Variants in RGS3 observed in about 807,000 individuals in gnomAD.
The protein encoded by RGS3 is regulator of G protein signaling 3.
A neutral mutation model predicts 132.6 loss-of-function variants in RGS3; 80 were observed. The observed-to-expected ratio is 0.60, with a 90% confidence interval of 0.50 to 0.73. The LOEUF is 0.73. Among genes scored for constraint, RGS3 ranks in the 30% least tolerant of loss-of-function variants. The pLI, the probability that RGS3 is intolerant of heterozygous loss-of-function variation, is 0.00. For missense variants in RGS3, 1,382 were observed against 1,530.8 expected (o/e 0.90, Z 1.62); for synonymous variants, 598 against 620.6 (o/e 0.96, Z 0.54).
intron 1 of RGS3, among the ~76,000 whole-genome samples, chr9:113,452,974 T>TTATATATGATATATAAATAAAATA (rs1346910020): frequency 7.4e-6 from 1 of 134,246 alleles, no homozygotes; most frequent in African/African-American, 2.8e-5. Flanking sequence ...TAAAATATAT[T>TTATATATGATATATAAATAAAATA]TATACATAAT....
chr9:113,472,103 A>T (rs907375157), intron 3 of RGS3, among the ~76,000 whole-genome samples: 1 of 152,216 alleles, frequency 6.6e-6, no homozygotes, highest in Non-Finnish European at 1.5e-5. Context: ...CTATAATAAA[A>T]AAAGAGCCAA....
At chr9:113,520,733 C>T (rs777247891) in intron 16 of RGS3, among the ~76,000 whole-genome samples, 16 of 151,960 alleles carry the variant, frequency 1.1e-4, no homozygotes, top group African/African-American at 3.6e-4. Context: ...TTCCATTGCT[C>T]GGACTTTGAA....
rs1056696176 is a variant in RGS3 at position 113,546,810 on chromosome 9, G to A, written c.2037+9892G>A. Among the ~76,000 whole-genome samples the A allele has an allele frequency of 5.3e-5, 8 of 152,280 alleles. No individual in the cohort carries two copies. The East Asian group carries it at 7.7e-4, about 15-fold the overall frequency. Reference sequence around the variant, plus strand: ...AGCTGGAGCTGCTGCTGTAGGTTGCGGGGCTCACCTCTCACCGAGCCCCTT... The same window carrying A: ...AGCTGGAGCTGCTGCTGTAGGTTGCAGGGCTCACCTCTCACCGAGCCCCTT... On this transcript the variant is annotated intron_variant, in intron 19 of 24. Coordinates refer to ENST00000350696, the Ensembl canonical transcript of RGS3.
chr9:113,587,339 T>C (rs1229061917), intron 20 of RGS3, among the ~76,000 whole-genome samples: 4 of 152,174 alleles, frequency 2.6e-5, no homozygotes, highest in Non-Finnish European at 5.9e-5. Context: ...GATGGGCCAC[T>C]ATTCCTAGGC....
chr9:113,541,415 T>C (rs762640864), intron 19 of RGS3: 1 of 1,613,588 alleles, frequency 6.2e-7, no homozygotes, highest in Admixed American at 1.7e-5. Flanking sequence ...CAGGACAGAC[T>C]CTGATTGGCT....
intron 17 of RGS3, among the ~76,000 whole-genome samples, chr9:113,525,361 G>T (rs916489855): frequency 6.6e-6 from 1 of 152,126 alleles, no homozygotes; most frequent in Non-Finnish European, 1.5e-5. Flanking sequence ...GCTCATGGAA[G>T]TTTAGTGACC....
At chr9:113,538,232 C>T (rs1832760134) in intron 19 of RGS3, among the ~76,000 whole-genome samples, 1 of 152,204 alleles carries the variant, frequency 6.6e-6, no homozygotes, top group Non-Finnish European at 1.5e-5. Flanking sequence ...ATGCATTGCC[C>T]CCTGCCCAGC....
At chr9:113,583,965 G>C (rs1373982222) in exon 20 of RGS3, 2 of 1,614,090 alleles carry the variant, frequency 1.2e-6, no homozygotes, top group East Asian at 4.5e-5. Flanking sequence ...CGGCCCCCAG[G>C]CCAGCCTTCG....
chr9:113,479,691 T>C, intron 4 of RGS3, 150 bp downstream of exon 2: 1 of 724,956 alleles, frequency 1.4e-6, no homozygotes, highest in Non-Finnish European at 2.3e-6. Flanking sequence ...AAAGCCAGTA[T>C]TCACCTGGGG....
At chr9:113,593,770 T>C in intron 21 of RGS3, 3 of 723,178 alleles carry the variant, frequency 4.1e-6, no homozygotes, top group South Asian at 3.6e-5. Context: ...TGCTGCCTCC[T>C]TGGGGACCGG....
At chr9:113,557,896 C>T (rs1473082390) in intron 19 of RGS3, among the ~76,000 whole-genome samples, 1 of 152,110 alleles carries the variant, frequency 6.6e-6, no homozygotes, top group Non-Finnish European at 1.5e-5. Context: ...GAGGTGTGTT[C>T]AGGATCAGAC....
intron 1 of RGS3, among the ~76,000 whole-genome samples, chr9:113,453,759 A>T (rs956713949): frequency 1.4e-5 from 2 of 142,048 alleles, no homozygotes; most frequent in African/African-American, 5.2e-5. Context: ...TAATATACTC[A>T]TTATATGATT....
At chr9:113,546,879 G>A (rs1027700202) in intron 19 of RGS3, among the ~76,000 whole-genome samples, 17 of 152,178 alleles carry the variant, frequency 1.1e-4, no homozygotes, top group East Asian at 1.9e-4. Flanking sequence ...ATCTTGCCTC[G>A]AGTCCTCATT....
intron 22 of RGS3, 118 bp from the exon 21 acceptor site, chr9:113,594,801 A>G: frequency 6.0e-6 from 6 of 997,776 alleles, no homozygotes; most frequent in Non-Finnish European, 9.2e-6. Context: ...TGGGCGCCCC[A>G]GCTGGGCTCA....
intron 19 of RGS3, among the ~76,000 whole-genome samples, chr9:113,571,905 A>AT (rs1834308550): frequency 6.6e-6 from 1 of 152,188 alleles, no homozygotes; most frequent in Non-Finnish European, 1.5e-5. Flanking sequence ...GTCAAGACTC[A>AT]TTTTCTCTGG....
chr9:113,555,397 C>T (rs1013838328), intron 19 of RGS3, among the ~76,000 whole-genome samples: 11 of 152,264 alleles, frequency 7.2e-5, no homozygotes, highest in Middle Eastern at 3.4e-3. Flanking sequence ...TCGGCTGGAC[C>T]ATACTTCTCT....
At chr9:113,528,763 C>G (rs1408628559) in intron 17 of RGS3, among the ~76,000 whole-genome samples, 1 of 152,236 alleles carries the variant, frequency 6.6e-6, no homozygotes, top group Non-Finnish European at 1.5e-5. Flanking sequence ...TATCCACCTG[C>G]ACAGCCCACC....
rs542367086 is a variant in RGS3 at position 113,506,105 on chromosome 9, G to A, written c.980-283G>A. Among the ~76,000 whole-genome samples, 1 of 152,184 alleles carries A rather than the reference G, an allele frequency of 6.6e-6. No homozygotes were observed. The highest frequency in any genetic ancestry group is 1.9e-4 in the East Asian group (1 of 5,160). ...AATGGGGTAGGAGGCCCTGGGGAGG[G>A]GTAAGGGCCCGGGTAGAAGGGTGGA... On this transcript the variant is annotated intron_variant, in intron 11 of 24. Transcript: ENST00000350696. The surrounding 1 kb of genome is among the most constrained non-coding windows in gnomAD (Gnocchi z 4.7).
At chr9:113,535,106 A>G (rs2118589132) in intron 18 of RGS3, among the ~76,000 whole-genome samples, 1 of 152,128 alleles carries the variant, frequency 6.6e-6, no homozygotes, top group East Asian at 1.9e-4. Flanking sequence ...TCCAATGCCT[A>G]GGACTGTCTC....
Sources: allele counts gnomAD v4.1 joint callset (sites outside exome capture counted in the v4.1 genomes callset), GRCh38; gene constraint gnomAD v4.1.1; non-coding constraint Gnocchi (gnomAD v3.1); transcripts MANE v1.5; gene names NCBI Gene and HGNC (gene_info 2026-07-23, HGNC 2026-07-21).